INSYN1: variants seen among roughly 807,000 people sequenced by gnomAD.
INSYN1 encodes inhibitory synaptic factor 1.
In INSYN1, 7 loss-of-function variants were observed where a neutral mutation model predicts 17.1. The ratio of observed to expected loss-of-function variants is 0.41; its 90% CI spans 0.23 to 0.77. The LOEUF is 0.77. INSYN1 is among the 30% of genes least tolerant of loss of function. INSYN1 has a pLI of 0.32. For synonymous variants in INSYN1, 174 were observed against 166.3 expected (o/e 1.05, Z -0.36); for missense variants, 339 against 400.6 (o/e 0.85, Z 1.31).
chr15:73,740,883 G>C (rs900677264), intron 2 of INSYN1, among the ~76,000 whole-genome samples: 1 of 152,204 alleles, frequency 6.6e-6, no homozygotes, highest in Non-Finnish European at 1.5e-5. Flanking sequence ...GTTTACCACT[G>C]TTCAGTGCCC....
chr15:73,748,522 C>T (rs1337280654), intron 2 of INSYN1, among the ~76,000 whole-genome samples: 1 of 152,114 alleles, frequency 6.6e-6, no homozygotes. Flanking sequence ...AAGTGAGTGC[C>T]TCTCAACCTT....
chr15:73,738,469 A>C lies in INSYN1; in HGVS notation c.*1448T>G, dbSNP rs1373210116. 1 of 152,240 alleles carries C rather than the reference A, an allele frequency of 6.6e-6. No homozygotes were observed. Among genetic ancestry groups the C allele is most frequent in the East Asian group, 1.9e-4 (1 of 5,202 alleles). 9.4% of individuals were successfully genotyped at this position (152,240 alleles called of 1,614,324 possible). On this transcript the variant is annotated 3_prime_UTR_variant, in exon 3 of 3. Transcript: ENST00000569673. The stretch of plus-strand genomic sequence containing the variant: ...GAGGCTGAGGCTGACGAATCACTTG[A>C]GGTCAGGAGTTCAGACCAGCCTGCC...
intron 2 of INSYN1, among the ~76,000 whole-genome samples, chr15:73,749,492 C>T (rs1398014947): frequency 6.6e-6 from 1 of 152,194 alleles, no homozygotes; most frequent in Non-Finnish European, 1.5e-5. Flanking sequence ...AATCCTGGCT[C>T]TTTGTGGGTA....
chr15:73,751,131 C>T lies in INSYN1; in HGVS notation c.-1G>A, dbSNP rs771053490. ...GGTCCGGGGCGCCCCGAATGTTCATCGTTTACCACGTGGCCGCAGGCCTGC... is the reference window on the plus strand; with the variant it reads ...GGTCCGGGGCGCCCCGAATGTTCATTGTTTACCACGTGGCCGCAGGCCTGC... On this transcript the variant is annotated 5_prime_UTR_variant, in exon 2 of 3. Transcript: ENST00000569673. 16 of 1,613,358 alleles carry T rather than the reference C, an allele frequency of 9.9e-6. No homozygotes were observed. Among genetic ancestry groups the T allele is most frequent in the African/African-American group, 2.7e-5 (2 of 74,936 alleles).
intron 2 of INSYN1, among the ~76,000 whole-genome samples, chr15:73,749,353 G>T (rs1901917485): frequency 6.6e-6 from 1 of 152,140 alleles, no homozygotes; most frequent in Admixed American, 6.5e-5. Context: ...AGCTGGTCTG[G>T]ATTACCTATG....
In INSYN1 at chr15:73,740,061, G is replaced by T. The variant is rs200581280; in HGVS notation, c.738C>A (p.Thr246=). The T allele has an allele frequency of 6.2e-7, 1 of 1,613,574 alleles. No homozygotes were observed. The highest frequency in any genetic ancestry group is 2.2e-5 in the East Asian group (1 of 44,828). ...CCAAGGTAGAGCCTGAGTGGCGGCT[G>T]GTCAGTGGAGAGCGCCGTGACTTGT... ...APYKSRRSPL[T]SRHSGSTLAP... The change falls in exon 3 of 3, where the codon ACC becomes ACA. Residue 246 remains threonine, a synonymous_variant. Transcript: ENST00000569673.
At chr15:73,748,248 G>A (rs955002099) in intron 2 of INSYN1, among the ~76,000 whole-genome samples, 3 of 152,216 alleles carry the variant, frequency 2.0e-5, no homozygotes, top group Non-Finnish European at 4.4e-5. Context: ...TCGAGAGGAT[G>A]AGGAGAGTCT....
chr15:73,748,821 G>T (rs1305866689), intron 2 of INSYN1, among the ~76,000 whole-genome samples: 1 of 152,174 alleles, frequency 6.6e-6, no homozygotes. Flanking sequence ...CTGTCACCCT[G>T]TGTCTAGACC....
chr15:73,744,091 C>A (rs1010825489), intron 2 of INSYN1, among the ~76,000 whole-genome samples: 1 of 152,038 alleles, frequency 6.6e-6, no homozygotes, highest in Admixed American at 6.6e-5. Flanking sequence ...TGGCTTAATG[C>A]GCTTTGGACA....
chr15:73,737,503 AGG>A lies in INSYN1; in HGVS notation c.*2412_*2413del, dbSNP rs1342312339. ...GCTGAGGATTTCCTGGGGCTGATAG[AGG>A]GGCTCAGACCCTTGGTTCTCAGACG... On this transcript the variant is annotated 3_prime_UTR_variant, in exon 3 of 3. Coordinates refer to ENST00000569673, the MANE Select transcript of INSYN1 (RefSeq NM_001039614.3). 6.6e-6 allele frequency: 1 copy of A among 152,228 alleles called. No homozygotes were observed. Among genetic ancestry groups the A allele is most frequent in the Non-Finnish European group, 1.5e-5 (1 of 68,050 alleles). The allele number at this position is 152,228 out of a possible 1,614,324, so 9.4% of individuals were successfully genotyped here. A position where few individuals can be genotyped will look rare whatever the true frequency, so the allele number is the denominator to read the frequency against.
intron 2 of INSYN1, among the ~76,000 whole-genome samples, chr15:73,748,890 G>A (rs1901905602): frequency 6.6e-6 from 1 of 152,200 alleles, no homozygotes; most frequent in South Asian, 2.1e-4. Flanking sequence ...GGTGCCATTG[G>A]CAGCGGGCAG....
chr15:73,751,172 C>G lies in INSYN1; in HGVS notation c.-42G>C. 1 of 1,608,552 alleles carries G rather than the reference C, an allele frequency of 6.2e-7. No individual in the cohort carries two copies. Among genetic ancestry groups the G allele is most frequent in the African/African-American group, 1.3e-5 (1 of 74,984 alleles). ...GCAGGCCTGCCCATACTCCCCCCAG[C>G]TGGGCACACACTGCGTCTGCCTCCA... On this transcript the variant is annotated 5_prime_UTR_variant, in exon 2 of 3. Transcript: ENST00000569673.
Position 73,740,308 on chromosome 15 carries a change from G to T in INSYN1, c.491C>A (p.Ala164Asp), listed in dbSNP as rs368003272. ...CTTCACCGTGGGGCCAGCACCAAAG[G>T]CCTCCTCACTGGAGGAGTCTGGGGT... ...VETPDSSSEE[A>D]FGAGPTVKSQ... The change falls in exon 3 of 3, where the codon GCC (alanine) becomes GAC (aspartate). Residue 164 changes from alanine (A) to aspartate (D), a missense_variant. By Grantham distance (126) the Ala-to-Asp change is moderately radical. Transcript: ENST00000569673. 46 of 1,612,646 alleles carry T rather than the reference G, an allele frequency of 2.9e-5. No individual in the cohort carries two copies. The highest frequency in any genetic ancestry group is 3.6e-5 in the Non-Finnish European group (43 of 1,179,470).
chr15:73,744,183 A>G (rs555408010), intron 2 of INSYN1, among the ~76,000 whole-genome samples: 1 of 152,326 alleles, frequency 6.6e-6, no homozygotes, highest in Non-Finnish European at 1.5e-5. Flanking sequence ...CACCAGGCCT[A>G]AGAGCAGTGG....
rs988449500 is a variant in INSYN1 at position 73,740,241 on chromosome 15, C to T, written c.558G>A (p.Val186=). ...GGTAGAGCACTTTGTCACTGAACCG[C>T]ACCCTCTCCCGTGTCCCTGGGGTCC... The part of the protein sequence containing the change: ...PQRTPGTRER[V]RFSDKVLYHA... The change falls in exon 3 of 3, where the codon GTG becomes GTA. Residue 186 remains valine (V), a synonymous_variant. Coordinates refer to ENST00000569673, the MANE Select transcript of INSYN1 (RefSeq NM_001039614.3). 8 of 1,613,914 alleles carry T rather than the reference C, an allele frequency of 5.0e-6. No individual in the cohort carries two copies. The highest frequency in any genetic ancestry group is 6.8e-6 in the Non-Finnish European group (8 of 1,180,030).
chr15:73,742,963 C>T (rs534297370), intron 2 of INSYN1, among the ~76,000 whole-genome samples: 2 of 152,226 alleles, frequency 1.3e-5, no homozygotes, highest in African/African-American at 4.8e-5. Flanking sequence ...AACCACTAGC[C>T]TAGGGCACTG....
chr15:73,740,539 G>T lies in INSYN1; in HGVS notation c.260C>A (p.Ala87Glu). 6.2e-7 allele frequency: 1 copy of T among 1,614,080 alleles called. No homozygotes were observed. Among genetic ancestry groups the T allele is most frequent in the Non-Finnish European group, 8.5e-7 (1 of 1,180,002 alleles). ...TVSSTSSSDK[A>E]GMGGPFDLGH... The stretch of plus-strand genomic sequence containing the variant: ...CAGGTCAAAGGGGCCACCCATGCCC[G>T]CCTTGTCACTGCTAGAGGTGCTGCT... Residue 87 changes from alanine (A) to glutamate (E), a missense_variant, in exon 3 of 3, where the codon GCG becomes GAG. Transcript: ENST00000569673.
At position 73,739,363 on chromosome 15, in the gene INSYN1, G is replaced by A. The variant is rs779241291; in HGVS notation, c.*554C>T. The A allele has an allele frequency of 6.6e-6, 1 of 152,344 alleles. No individual in the cohort carries two copies. The highest frequency in any genetic ancestry group is 2.1e-4 in the South Asian group (1 of 4,832). The allele number at this position is 152,344 out of a possible 1,614,324, so 9.4% of individuals were successfully genotyped here. A position where few individuals can be genotyped will look rare whatever the true frequency, so the allele number is the denominator to read the frequency against. ...TGTCCCAGGCAACCCTAAGATGGAAGGGGGTGAGGCAGGACTGTGTATAGC... is the reference window on the plus strand; with the variant it reads ...TGTCCCAGGCAACCCTAAGATGGAAAGGGGTGAGGCAGGACTGTGTATAGC... On this transcript the variant is annotated 3_prime_UTR_variant, in exon 3 of 3. Transcript: ENST00000569673.
rs1276543659 is a variant in INSYN1 at position 73,752,493 on chromosome 15, C to G, written c.-951G>C. 2 of 152,256 alleles carry G rather than the reference C, an allele frequency of 1.3e-5. No individual in the cohort carries two copies. The highest frequency in any genetic ancestry group is 2.9e-5 in the Non-Finnish European group (2 of 68,142). The allele number at this position is 152,256 out of a possible 1,614,324, so 9.4% of individuals were successfully genotyped here. ...GGAGGGCGCCGGGATCCCCTCAGCCCACGCCCGGCATTCCCCGGGCTCTGC... is the reference window on the plus strand; with the variant it reads ...GGAGGGCGCCGGGATCCCCTCAGCCGACGCCCGGCATTCCCCGGGCTCTGC... On this transcript the variant is annotated 5_prime_UTR_variant, in exon 1 of 3. Coordinates refer to ENST00000569673, the MANE Select transcript of INSYN1 (RefSeq NM_001039614.3). The surrounding 1 kb of genome is among the most constrained non-coding windows in gnomAD (Gnocchi z 5.2).
Sources: allele counts gnomAD v4.1 joint callset (sites outside exome capture counted in the v4.1 genomes callset), GRCh38; gene constraint gnomAD v4.1.1; non-coding constraint Gnocchi (gnomAD v3.1); transcripts MANE v1.5; gene names NCBI Gene and HGNC (gene_info 2026-07-23, HGNC 2026-07-21).